Variants in PLXNA4 observed in about 807,000 individuals in gnomAD.
The protein encoded by PLXNA4 is plexin-A4.
A neutral mutation model predicts 191.8 loss-of-function variants in PLXNA4; 44 were observed. The observed-to-expected ratio is 0.23, with a 90% CI of 0.18 to 0.29. The LOEUF (loss-of-function observed/expected upper bound fraction) is 0.29, where lower values mean the gene tolerates loss of function less well. Among genes scored for constraint, PLXNA4 ranks in the 10% least tolerant of loss-of-function variants. PLXNA4 has a pLI of 1.00. For missense variants in PLXNA4, 1,800 were observed against 2,488.8 expected, an observed-to-expected ratio of 0.72 and a Z score of 5.89; for synonymous variants, 1,082 against 1,009.5, an observed-to-expected ratio of 1.07 and a Z score of -1.36.
intron 3 of PLXNA4, among the ~76,000 whole-genome samples, chr7:132,452,203 C>G (rs1244595084): frequency 6.6e-6 from 1 of 152,236 alleles, no homozygotes; most frequent in Non-Finnish European, 1.5e-5. Context: ...AAACCTTTAT[C>G]TGTCATCATC....
intron 3 of PLXNA4, among the ~76,000 whole-genome samples, chr7:132,466,860 C>T (rs1285196109): frequency 2.0e-5 from 3 of 152,236 alleles, no homozygotes; most frequent in Non-Finnish European, 2.9e-5. Flanking sequence ...TAATGAAGGA[C>T]CATAGTTGCA....
intron 3 of PLXNA4, among the ~76,000 whole-genome samples, chr7:132,323,472 C>A (rs1802254459): frequency 6.6e-6 from 1 of 152,196 alleles, no homozygotes; most frequent in Non-Finnish European, 1.5e-5. Context: ...CCTTCAACAA[C>A]AAAACCCCAA....
At chr7:132,300,694 A>G (rs1241166915) in intron 3 of PLXNA4, among the ~76,000 whole-genome samples, 3 of 152,212 alleles carry the variant, frequency 2.0e-5, no homozygotes, top group African/African-American at 7.2e-5. Context: ...TGACCGTGCA[A>G]TGATGGCCTT....
At chr7:132,531,249 C>T (rs1023445889) in intron 1 of PLXNA4, among the ~76,000 whole-genome samples, 1 of 152,194 alleles carries the variant, frequency 6.6e-6, no homozygotes, top group Non-Finnish European at 1.5e-5. Flanking sequence ...TCTACCACCA[C>T]AAGAATTTTT....
intron 9 of PLXNA4, among the ~76,000 whole-genome samples, chr7:132,217,795 T>C (rs1249549514): frequency 2.6e-5 from 4 of 151,242 alleles, no homozygotes; most frequent in African/African-American, 7.3e-5. Flanking sequence ...GCAGGCAAGA[T>C]TGATGGAAAG....
intron 3 of PLXNA4, among the ~76,000 whole-genome samples, chr7:132,368,841 G>T (rs1439813350): frequency 6.6e-6 from 1 of 152,206 alleles, no homozygotes; most frequent in Non-Finnish European, 1.5e-5. Flanking sequence ...GCCATGTGGT[G>T]ACATTGGATT....
At chr7:132,494,670 C>T (rs956429104) in intron 2 of PLXNA4, among the ~76,000 whole-genome samples, 2 of 152,240 alleles carry the variant, frequency 1.3e-5, no homozygotes, top group East Asian at 3.9e-4. Context: ...CCTCGTGCAC[C>T]GCAGCAAAGG....
intron 3 of PLXNA4, among the ~76,000 whole-genome samples, chr7:132,311,195 C>CGCGCGCGT (rs1554411091): frequency 4.9e-4 from 58 of 118,818 alleles, no homozygotes; most frequent in African/African-American, 3.7e-4. Flanking sequence ...TGTGTGTGTG[C>CGCGCGCGT]GCGTGTGGCC....
At chr7:132,549,639 C>A (rs1800469164) in intron 1 of PLXNA4, among the ~76,000 whole-genome samples, 1 of 152,150 alleles carries the variant, frequency 6.6e-6, no homozygotes, top group African/African-American at 2.4e-5. Flanking sequence ...GGTCATTTCC[C>A]TGAGTCATTA....
intron 1 of PLXNA4, among the ~76,000 whole-genome samples, chr7:132,543,197 A>G (rs958246658): frequency 2.0e-5 from 3 of 152,136 alleles, no homozygotes; most frequent in Non-Finnish European, 4.4e-5. Context: ...CATTTCAGAA[A>G]TTGTCATTTT....
chr7:132,473,919 C>T (rs915306792), intron 3 of PLXNA4, among the ~76,000 whole-genome samples: 1 of 151,900 alleles, frequency 6.6e-6, no homozygotes, highest in Non-Finnish European at 1.5e-5. Context: ...AAACCTCTCC[C>T]ACCCAAGACA....
At chr7:132,593,897 G>T (rs149482905) in intron 2 of PLXNA4, among the ~76,000 whole-genome samples, 8 of 152,240 alleles carry the variant, frequency 5.3e-5, no homozygotes, top group Non-Finnish European at 8.8e-5. Flanking sequence ...GCTGAGAAAA[G>T]TGTGCCTGGG....
rs146112863 is a variant in PLXNA4, at chr7:132,508,174, C to G, written c.520G>C (p.Val174Leu). The change falls in exon 2 of 32, where the codon GTC (valine) becomes CTC (leucine). Residue 174 changes from valine (V) to leucine (L), a missense_variant. Val to Leu is a conservative substitution (Grantham distance 32, BLOSUM62 1). Around this residue, in one of 6 missense-constraint regions of PLXNA4, gnomAD observed 1,397 missense variants for 1,880.4 expected, o/e 0.74. Transcript: ENST00000321063. The surrounding 1 kb of genome is among the most constrained non-coding windows in gnomAD (Gnocchi z 4.4). Reference protein sequence around the residue: ...NESGSVFGVIVSYSNLDDKLF... With the variant: ...NESGSVFGVILSYSNLDDKLF... The stretch of plus-strand genomic sequence containing the variant: ...TTGTCATCCAGGTTGCTGTAGGAGA[C>G]GATCACTCCAAAGACTGAGCCGCTC... 2 of 1,614,040 alleles carry G rather than the reference C, an allele frequency of 1.2e-6. No individual in the cohort carries two copies. The highest frequency in any genetic ancestry group is 1.1e-5 in the South Asian group (1 of 91,074).
intron 14 of PLXNA4, among the ~76,000 whole-genome samples, chr7:132,192,936 A>G (rs1797138488): frequency 6.6e-6 from 1 of 152,026 alleles, no homozygotes; most frequent in African/African-American, 2.4e-5. Flanking sequence ...GGATGGGGAA[A>G]GGGGTGGTAG....
At chr7:132,429,151 G>C (rs1381605148) in intron 3 of PLXNA4, among the ~76,000 whole-genome samples, 1 of 152,160 alleles carries the variant, frequency 6.6e-6, no homozygotes, top group Non-Finnish European at 1.5e-5. Flanking sequence ...ACTTCTCATT[G>C]TCAAGATGAG....
chr7:132,471,070 G>A (rs761509773), intron 3 of PLXNA4, among the ~76,000 whole-genome samples: 1 of 152,148 alleles, frequency 6.6e-6, no homozygotes. Context: ...AGTACCATCC[G>A]CTTGGTGCGG....
At chr7:132,291,623 T>TAC (rs146508714) in intron 4 of PLXNA4, among the ~76,000 whole-genome samples, 110 of 151,960 alleles carry the variant, frequency 7.2e-4, no homozygotes, top group South Asian at 3.1e-3. Context: ...TGCACATGTG[T>TAC]ACACACACAC....
chr7:132,357,839 G>A (rs1803774148), intron 3 of PLXNA4, among the ~76,000 whole-genome samples: 1 of 152,190 alleles, frequency 6.6e-6, no homozygotes, highest in Non-Finnish European at 1.5e-5. Context: ...TACACCTGGT[G>A]GTCTTAGAAC....
At chr7:132,334,252 CTTTTTTTTT>C in intron 3 of PLXNA4, among the ~76,000 whole-genome samples, 1 of 75,606 alleles carries the variant, frequency 1.3e-5, no homozygotes, top group African/African-American at 6.1e-5. Flanking sequence ...TTCTTTCTTT[CTTTTTTTTT>C]TTTTTTTTTT....
Sources: gnomAD v4.1 joint callset for allele counts (sites outside exome capture counted in the v4.1 genomes callset) on GRCh38, gnomAD v4.1.1 for gene constraint, gnomAD v4.1.1 regional missense constraint, Gnocchi (gnomAD v3.1) non-coding constraint, MANE v1.5 for transcripts, NCBI Gene and HGNC (gene_info 2026-07-23, HGNC 2026-07-21) for gene names.